Variants in FBXL17 observed in about 807,000 individuals in gnomAD.
The protein encoded by FBXL17 is F-box and leucine rich repeat protein 17, also known as F-box/LRR-repeat protein 17.
A neutral mutation model predicts 66.2 loss-of-function variants in FBXL17; 22 were observed. The observed-to-expected ratio is 0.33, with a 90% CI of 0.24 to 0.47. The LOEUF (loss-of-function observed/expected upper bound fraction) is 0.47, where lower values mean the gene tolerates loss of function less well. Ranked by LOEUF, FBXL17 falls within the 20% of genes least tolerant of loss-of-function variation. The pLI is 1.00. For synonymous variants in FBXL17, 474 were observed against 400.5 expected (o/e 1.18, Z -2.19); for missense variants, 878 against 948.2 (o/e 0.93, Z 0.97).
At chr5:108,228,061 G>A (rs1755173253) in intron 4 of FBXL17, among the ~76,000 whole-genome samples, 1 of 152,140 alleles carries the variant, frequency 6.6e-6, no homozygotes, top group African/African-American at 2.4e-5. Flanking sequence ...AGCATTCAGA[G>A]AGAAAAAGTG....
chr5:108,027,200 A>G (rs1325885566), intron 6 of FBXL17, among the ~76,000 whole-genome samples: 1 of 152,180 alleles, frequency 6.6e-6, no homozygotes, highest in Non-Finnish European at 1.5e-5. Flanking sequence ...AGAATACTTT[A>G]AAAATGTATT....
At chr5:107,986,293 A>T (rs1753009496) in intron 7 of FBXL17, among the ~76,000 whole-genome samples, 1 of 151,958 alleles carries the variant, frequency 6.6e-6, no homozygotes, top group Non-Finnish European at 1.5e-5. Context: ...AATTATTCTA[A>T]TAGACTTATT....
At chr5:108,200,587 T>C (rs1753850300) in intron 5 of FBXL17, among the ~76,000 whole-genome samples, 2 of 152,006 alleles carry the variant, frequency 1.3e-5, no homozygotes, top group East Asian at 1.9e-4. Flanking sequence ...AGATTCAAGA[T>C]TGATAGTCAA....
chr5:107,903,740 A>C (rs1749650748), intron 7 of FBXL17, among the ~76,000 whole-genome samples: 2 of 152,300 alleles, frequency 1.3e-5, no homozygotes, highest in Admixed American at 1.3e-4. Flanking sequence ...GGGAGAAATA[A>C]TAATGCCAAA....
intron 6 of FBXL17, among the ~76,000 whole-genome samples, chr5:108,107,705 A>G (rs539138440): frequency 5.1e-4 from 77 of 150,912 alleles, no homozygotes; most frequent in Middle Eastern, 3.4e-3. Context: ...CCAGCTACTC[A>G]GGAGGCTGAG....
intron 8 of FBXL17, among the ~76,000 whole-genome samples, chr5:107,871,964 C>T (rs375664613): frequency 6.8e-4 from 103 of 152,172 alleles, no homozygotes; most frequent in African/African-American, 2.4e-3. Context: ...TCAGTTATTA[C>T]TTTCTTACAT....
intron 7 of FBXL17, among the ~76,000 whole-genome samples, chr5:108,015,918 A>T (rs993900313): frequency 6.7e-6 from 1 of 149,132 alleles, no homozygotes; most frequent in African/African-American, 2.4e-5. Flanking sequence ...GGAAAACAAG[A>T]TGCATTTTTT....
intron 7 of FBXL17, among the ~76,000 whole-genome samples, chr5:107,961,427 C>T (rs117718466): frequency 6.6e-6 from 1 of 151,708 alleles, no homozygotes; most frequent in East Asian, 2.0e-4. Context: ...AGGGTTTCGC[C>T]ATGTTGCCCA....
At chr5:108,144,392 T>C (rs1398492588) in intron 6 of FBXL17, among the ~76,000 whole-genome samples, 1 of 152,098 alleles carries the variant, frequency 6.6e-6, no homozygotes, top group Non-Finnish European at 1.5e-5. Flanking sequence ...ATTTCTAACA[T>C]GAAAAAGCCC....
rs573410536 is a variant in FBXL17 at position 108,036,435 on chromosome 5, C to T, written c.1746-15434G>A. Among the ~76,000 whole-genome samples, 4 of 152,250 alleles carry T rather than the reference C, an allele frequency of 2.6e-5. No homozygotes were observed. In the South Asian group the frequency reaches 8.3e-4, roughly 32 times the overall value. ...TGTGCACTCTCCAGTCCTGAGCATT[C>T]CCTAATGTTACATTTGATGCACTTT... On this transcript the variant is annotated intron_variant, in intron 6 of 8. Coordinates refer to ENST00000542267, the MANE Select transcript of FBXL17 (RefSeq NM_001163315.3).
intron 4 of FBXL17, among the ~76,000 whole-genome samples, chr5:108,310,899 A>G (rs907781667): frequency 1.3e-5 from 2 of 152,136 alleles, no homozygotes; most frequent in African/African-American, 4.8e-5. Flanking sequence ...TTACTTCACT[A>G]CCTGCTGTTG....
At chr5:108,006,939 G>T (rs1283028783) in intron 7 of FBXL17, among the ~76,000 whole-genome samples, 1 of 152,166 alleles carries the variant, frequency 6.6e-6, no homozygotes, top group Non-Finnish European at 1.5e-5. Flanking sequence ...AACTTTTAAA[G>T]AAAATTGCAT....
At chr5:108,171,819 A>AG (rs34594009) in intron 6 of FBXL17, among the ~76,000 whole-genome samples, 76,412 of 151,984 alleles carry the variant, frequency 0.5, 19,710 homozygotes, top group East Asian at 0.76. Flanking sequence ...GTGTTGTGGG[A>AG]GGACTTGGTG....
intron 4 of FBXL17, among the ~76,000 whole-genome samples, chr5:108,319,274 A>G (rs1759510029): frequency 1.3e-5 from 2 of 152,012 alleles, no homozygotes; most frequent in African/African-American, 4.8e-5. Flanking sequence ...TTAAAACAGC[A>G]TTAATTATGT....
chr5:108,327,600 GTAACAA>G (rs1458654173), intron 4 of FBXL17, among the ~76,000 whole-genome samples: 1 of 152,164 alleles, frequency 6.6e-6, no homozygotes, highest in Non-Finnish European at 1.5e-5. Context: ...TATAAAAGAT[GTAACAA>G]GTGTAGGCAG....
chr5:108,227,630 G>A (rs1191806554), intron 4 of FBXL17, among the ~76,000 whole-genome samples: 1 of 152,200 alleles, frequency 6.6e-6, no homozygotes, highest in East Asian at 1.9e-4. Context: ...AAAGAAGTAT[G>A]TGAGTAGCAT....
chr5:108,002,092 T>G (rs1164662172), intron 7 of FBXL17, among the ~76,000 whole-genome samples: 1 of 151,910 alleles, frequency 6.6e-6, no homozygotes, highest in Non-Finnish European at 1.5e-5. Context: ...CTCAGCTCAC[T>G]GCAACCTCCG....
chr5:107,897,122 C>T (rs1452346602), intron 7 of FBXL17, among the ~76,000 whole-genome samples: 3 of 152,076 alleles, frequency 2.0e-5, no homozygotes, highest in Non-Finnish European at 4.4e-5. Context: ...GAAGCAGCTT[C>T]TGTCAACCAA....
intron 6 of FBXL17, among the ~76,000 whole-genome samples, chr5:108,098,148 T>C (rs1413163805): frequency 6.6e-6 from 1 of 152,166 alleles, no homozygotes; most frequent in African/African-American, 2.4e-5. Flanking sequence ...TATCTGATGA[T>C]CATCTTCTAA....
Sources: allele counts gnomAD v4.1 joint callset (sites outside exome capture counted in the v4.1 genomes callset), GRCh38; gene constraint gnomAD v4.1.1; transcripts MANE v1.5; gene names NCBI Gene and HGNC (gene_info 2026-07-23, HGNC 2026-07-21).